The following CDH13 variants were observed in gnomAD, a reference collection of about 807,000 sequenced individuals.
The protein encoded by CDH13 is cadherin 13, also known as cadherin-13.
In CDH13, 24 loss-of-function variants were observed where a neutral mutation model predicts 63.8. The ratio of observed to expected loss-of-function variants is 0.38; its 90% confidence interval spans 0.27 to 0.53. The LOEUF is 0.53. Among genes scored for constraint, CDH13 ranks in the 20% least tolerant of loss-of-function variants. The pLI, the probability that CDH13 is intolerant of heterozygous loss-of-function variation, is 0.85. For missense variants in CDH13, 1,049 were observed against 903.1 expected (o/e 1.16, Z -2.07); for synonymous variants, 503 against 355.3 (o/e 1.42, Z -4.67).
intron 2 of CDH13, among the ~76,000 whole-genome samples, chr16:83,016,448 G>A (rs181139797): frequency 1.0e-3 from 152 of 152,310 alleles, no homozygotes; most frequent in African/African-American, 3.5e-3. Flanking sequence ...CCTAGCCAGA[G>A]ATATGGAGAT....
In CDH13 at chr16:83,105,266, C is replaced by T. The variant is rs78448837; in HGVS notation, c.367-20119C>T. Reference sequence around the variant, plus strand: ...CCTAAGAATGAAAAAGCAAAGAGACCCCTGGTTTTGTATTTGATACAAAGT... The same window carrying T: ...CCTAAGAATGAAAAAGCAAAGAGACTCCTGGTTTTGTATTTGATACAAAGT... On this transcript the variant is annotated intron_variant, in intron 3 of 13. Coordinates refer to ENST00000567109, the MANE Select transcript of CDH13 (RefSeq NM_001257.5). Among the ~76,000 whole-genome samples the T allele has an allele frequency of 6.6e-3, 1,005 of 152,238 alleles. 17 individuals carry two copies. The highest frequency in any genetic ancestry group is 0.023 in the African/African-American group (960 of 41,524).
At chr16:83,583,387 C>T (rs1370345693) in intron 7 of CDH13, among the ~76,000 whole-genome samples, 1 of 152,238 alleles carries the variant, frequency 6.6e-6, no homozygotes, top group African/African-American at 2.4e-5. Context: ...ACTCACTTCA[C>T]TTTGAGGAGC....
rs572882897 is a variant in CDH13, at chr16:83,583,771, G to C, written c.961-18683G>C. ...AAAAATACTAAAAAGAAAAAAAAAA[G>C]CCGGGCATGGTGGCATGAGCCTCTA... On this transcript the variant is annotated intron_variant, in intron 7 of 13. Coordinates refer to ENST00000567109, the MANE Select transcript of CDH13 (RefSeq NM_001257.5). Among the ~76,000 whole-genome samples, 6 of 151,526 alleles carry C rather than the reference G, an allele frequency of 4.0e-5. No individual in the cohort carries two copies. In the East Asian group the frequency reaches 9.8e-4, roughly 25 times the overall value.
chr16:82,628,189 C>T (rs1433904966), intron 1 of CDH13, among the ~76,000 whole-genome samples: 1 of 152,222 alleles, frequency 6.6e-6, no homozygotes, highest in Non-Finnish European at 1.5e-5. Context: ...TCCAGTCCCC[C>T]ATCGCCTCTC....
chr16:82,910,516 A>T (rs921483278), intron 2 of CDH13, among the ~76,000 whole-genome samples: 5 of 152,176 alleles, frequency 3.3e-5, no homozygotes, highest in Admixed American at 2.6e-4. Flanking sequence ...ACAAACCTTG[A>T]ACTCCCTGGA....
chr16:83,461,388 T>G (rs534021500), intron 6 of CDH13, among the ~76,000 whole-genome samples: 2 of 152,302 alleles, frequency 1.3e-5, no homozygotes, highest in African/African-American at 4.8e-5. Context: ...GGGATGATGA[T>G]GATTGAATCA....
At chr16:83,017,612 A>C (rs1353942935) in intron 2 of CDH13, among the ~76,000 whole-genome samples, 1 of 152,242 alleles carries the variant, frequency 6.6e-6, no homozygotes, top group Non-Finnish European at 1.5e-5. Flanking sequence ...TCAAGTATTT[A>C]GTCCACGGAC....
At chr16:83,264,099 A>T (rs1316673511) in intron 5 of CDH13, among the ~76,000 whole-genome samples, 2 of 152,220 alleles carry the variant, frequency 1.3e-5, no homozygotes, top group East Asian at 3.8e-4. Flanking sequence ...CATAAGTTGG[A>T]CACCCCATTT....
intron 2 of CDH13, among the ~76,000 whole-genome samples, chr16:82,920,766 A>T (rs1008364356): frequency 6.6e-6 from 1 of 152,202 alleles, no homozygotes; most frequent in African/African-American, 2.4e-5. Context: ...AAAATCAGAC[A>T]GAAGGGTTAA....
chr16:83,193,154 GAA>G (rs75515253), intron 4 of CDH13, among the ~76,000 whole-genome samples: 15 of 142,286 alleles, frequency 1.1e-4, no homozygotes, highest in African/African-American at 3.8e-4. Flanking sequence ...TGCTATACTT[GAA>G]AAAAAAAAAA....
chr16:83,764,181 A>G (rs1019432419), intron 11 of CDH13, among the ~76,000 whole-genome samples: 2 of 152,202 alleles, frequency 1.3e-5, no homozygotes, highest in African/African-American at 2.4e-5. Flanking sequence ...GCTGAGGCAA[A>G]CTATGAAAAG....
intron 7 of CDH13, among the ~76,000 whole-genome samples, chr16:83,530,479 A>C (rs956198842): frequency 6.6e-6 from 1 of 152,212 alleles, no homozygotes; most frequent in African/African-American, 2.4e-5. Flanking sequence ...TCCTGAGAGC[A>C]CTGTGGCTCT....
intron 3 of CDH13, among the ~76,000 whole-genome samples, chr16:83,086,111 G>T (rs1308422638): frequency 6.6e-6 from 1 of 152,188 alleles, no homozygotes; most frequent in Admixed American, 6.5e-5. Flanking sequence ...TGGCCTAAGT[G>T]CAAAATGGTT....
Position 82,967,912 on chromosome 16 carries a change from T to A in CDH13, c.158-64098T>A, listed in dbSNP as rs182211548. On this transcript the variant is annotated intron_variant, in intron 2 of 13. Coordinates refer to ENST00000567109, the MANE Select transcript of CDH13 (RefSeq NM_001257.5). Reference sequence around the variant, plus strand: ...AGGAGATATTTCCAGACTACACAAATACCTTGTTTCTTTTCATATTTTCAC... The same window carrying A: ...AGGAGATATTTCCAGACTACACAAAAACCTTGTTTCTTTTCATATTTTCAC... Among the ~76,000 whole-genome samples the A allele has an allele frequency of 2.4e-4, 37 of 152,346 alleles. No individual in the cohort carries two copies. In the East Asian group the frequency reaches 6.9e-3, roughly 29 times the overall value.
At chr16:83,309,461 C>G (rs964879427) in intron 5 of CDH13, among the ~76,000 whole-genome samples, 1 of 152,148 alleles carries the variant, frequency 6.6e-6, no homozygotes, top group South Asian at 2.1e-4. Flanking sequence ...CTGCAACCTT[C>G]TGCCTCCCAG....
chr16:83,040,244 A>G (rs573341871), intron 3 of CDH13, among the ~76,000 whole-genome samples: 2 of 152,188 alleles, frequency 1.3e-5, no homozygotes, highest in African/African-American at 2.4e-5. Flanking sequence ...ACACGTGTGT[A>G]TTAGTCAAGG....
rs116716931 is a variant in CDH13 at position 83,697,361 on chromosome 16, G to A, written c.1538+18900G>A. On this transcript the variant is annotated intron_variant, in intron 10 of 13. Transcript: ENST00000567109. ...ATTTTTATTTTTGCACGTTTTGTTC[G>A]CAATTTTGCTGTTTGAAATGGCGTT... 1.2e-3 allele frequency among the ~76,000 whole-genome samples: 182 copies of A among 152,168 alleles called. 1 individual carries two copies. Among genetic ancestry groups the A allele is most frequent in the African/African-American group, 4.0e-3 (168 of 41,492 alleles).
At chr16:82,842,143 T>C (rs12921381) in intron 1 of CDH13, among the ~76,000 whole-genome samples, 122 of 17,766 alleles carry the variant, frequency 6.9e-3, no homozygotes, top group African/African-American at 0.032. Flanking sequence ...TATATACACA[T>C]ATATATATAT....
chr16:83,205,898 C>T (rs966240503), intron 4 of CDH13, among the ~76,000 whole-genome samples: 6 of 152,078 alleles, frequency 3.9e-5, no homozygotes, highest in African/African-American at 1.2e-4. Flanking sequence ...CCACGGTGCC[C>T]GGCCAAAGGA....
Sources: allele counts gnomAD v4.1 joint callset (sites outside exome capture counted in the v4.1 genomes callset), GRCh38; gene constraint gnomAD v4.1.1; transcripts MANE v1.5; gene names NCBI Gene and HGNC (gene_info 2026-07-23, HGNC 2026-07-21).